Variants in TESK2 observed in about 807,000 individuals in gnomAD.
The protein encoded by TESK2 is dual specificity testis-specific protein kinase 2.
TESK2 carries 39 observed loss-of-function variants against 57.1 expected under a neutral mutation model. That is an observed-to-expected ratio of 0.68 (90% CI 0.53 to 0.89). TESK2 has a LOEUF of 0.89. Among genes scored for constraint, TESK2 ranks in the 40% least tolerant of loss-of-function variants. The probability of loss-of-function intolerance (pLI) is 0.00; values close to 1 mark genes in which losing one functional copy is unlikely to be tolerated. For missense variants in TESK2, 646 were observed against 732.1 expected (o/e 0.88, Z 1.36); for synonymous variants, 249 against 267.9 (o/e 0.93, Z 0.69).
At chr1:45,422,618 A>G (rs568242576) in intron 2 of TESK2, among the ~76,000 whole-genome samples, 4 of 151,838 alleles carry the variant, frequency 2.6e-5, no homozygotes, top group African/African-American at 9.7e-5. Context: ...TAATTTTTGT[A>G]TTTTTAGTAG....
chr1:45,375,423 C>CTTTT (rs34730448), intron 4 of TESK2, among the ~76,000 whole-genome samples: 17 of 135,546 alleles, frequency 1.3e-4, no homozygotes, highest in African/African-American at 2.8e-4. Flanking sequence ...TTCCTTCACC[C>CTTTT]TTTTTTTTTT....
chr1:45,444,315 A>G (rs1330769885), intron 2 of TESK2, among the ~76,000 whole-genome samples: 1 of 152,210 alleles, frequency 6.6e-6, no homozygotes, highest in Non-Finnish European at 1.5e-5. Flanking sequence ...GTATCAGACT[A>G]TATTATATGC....
chr1:45,375,186 C>T (rs1399094745), intron 4 of TESK2, among the ~76,000 whole-genome samples: 1 of 152,178 alleles, frequency 6.6e-6, no homozygotes, highest in African/African-American at 2.4e-5. Context: ...AAAGACTTCA[C>T]AATTTATCCT....
intron 1 of TESK2, among the ~76,000 whole-genome samples, chr1:45,483,529 C>T (rs554465508): frequency 1.6e-3 from 235 of 150,756 alleles, no homozygotes; most frequent in African/African-American, 5.6e-3. Context: ...ACCCGGCAGG[C>T]AGAGGTTGCA....
chr1:45,435,879 C>T (rs1651182503), intron 2 of TESK2, among the ~76,000 whole-genome samples: 2 of 151,852 alleles, frequency 1.3e-5, no homozygotes, highest in Non-Finnish European at 2.9e-5. Context: ...ATGTTCTCAG[C>T]ACCATTTATT....
intron 4 of TESK2, among the ~76,000 whole-genome samples, chr1:45,380,152 G>A (rs771482206): frequency 7.2e-5 from 11 of 152,028 alleles, no homozygotes; most frequent in Non-Finnish European, 1.5e-4. Flanking sequence ...CACCCGCCTC[G>A]GCCTCCCAAA....
intron 4 of TESK2, among the ~76,000 whole-genome samples, chr1:45,361,605 G>A (rs1647689351): frequency 6.6e-6 from 1 of 152,082 alleles, no homozygotes; most frequent in Admixed American, 6.6e-5. Context: ...AATATATACA[G>A]CCTTTTCCTA....
intron 4 of TESK2, among the ~76,000 whole-genome samples, chr1:45,366,172 C>T (rs568404224): frequency 6.6e-6 from 1 of 151,908 alleles, no homozygotes; most frequent in Admixed American, 6.6e-5. Flanking sequence ...CTGCAACCTC[C>T]ACCTCCAGGG....
chr1:45,355,545 G>A, intron 4 of TESK2, 96 bp from the exon 5 acceptor site: 3 of 1,422,594 alleles, frequency 2.1e-6, no homozygotes, highest in African/African-American at 1.4e-5. Context: ...GAGAGAGACT[G>A]TATTTTTTTT....
At chr1:45,445,656 ATGGCAGCATGCACC>A (rs1651616762) in intron 2 of TESK2, among the ~76,000 whole-genome samples, 1 of 149,408 alleles carries the variant, frequency 6.7e-6, no homozygotes, top group Non-Finnish European at 1.5e-5. Context: ...ATCAGTGGGC[ATGGCAGCATGCACC>A]TGTGATCCCA....
rs551842517 is a variant in TESK2, at chr1:45,476,651, T to C, written c.-87+14201A>G. Reference sequence around the variant, plus strand: ...TCACAAGGTCAGGAGATCAAGGCCATCCTGGCTAACACGGTGAAACCCCAT... The same window carrying C: ...TCACAAGGTCAGGAGATCAAGGCCACCCTGGCTAACACGGTGAAACCCCAT... On this transcript the variant is annotated intron_variant, in intron 1 of 10. Transcript: ENST00000372086. Among the ~76,000 whole-genome samples the C allele has an allele frequency of 1.0e-4, 15 of 150,268 alleles. No homozygotes were observed. The East Asian group carries it at 3.0e-3, about 30-fold the overall frequency.
intron 1 of TESK2, among the ~76,000 whole-genome samples, chr1:45,459,264 G>T (rs1188575888): frequency 6.6e-6 from 1 of 152,196 alleles, no homozygotes; most frequent in African/African-American, 2.4e-5. Context: ...TGCCTGGAAG[G>T]CAGAAGAAGT....
At chr1:45,457,309 T>C (rs1260852636) in intron 2 of TESK2, among the ~76,000 whole-genome samples, 1 of 152,180 alleles carries the variant, frequency 6.6e-6, no homozygotes, top group African/African-American at 2.4e-5. Flanking sequence ...TACACACATG[T>C]GTGGCTGGGG....
Position 45,421,768 on chromosome 1 carries a change from C to T in TESK2, c.301G>A (p.Glu101Lys). The T allele has an allele frequency of 6.2e-7, 1 of 1,614,102 alleles. No homozygotes were observed. The highest frequency in any genetic ancestry group is 8.5e-7 in the Non-Finnish European group (1 of 1,179,984). Residue 101 changes from glutamate (E) to lysine (K), a missense_variant, in exon 3 of 11, where the codon GAA (glutamate) becomes AAA (lysine). Physicochemically the swap from Glu to Lys is moderately conservative, Grantham distance 56 (BLOSUM62 1). Coordinates refer to ENST00000372086, the MANE Select transcript of TESK2 (RefSeq NM_007170.3). ...GAGAGTCTATTCATGAGCTGTACTT[C>T]TTTCAGCATGTTTGCCCGGTTACTG... ...LSSNRANMLKEVQLMNRLSHP... is the reference protein window; with the variant it reads ...LSSNRANMLKKVQLMNRLSHP...
intron 3 of TESK2, among the ~76,000 whole-genome samples, chr1:45,419,277 T>C (rs1433702775): frequency 6.6e-6 from 1 of 152,048 alleles, no homozygotes; most frequent in African/African-American, 2.4e-5. Flanking sequence ...CGCCCAGACT[T>C]CCCTGACTCT....
At chr1:45,426,836 T>G (rs182373340) in intron 2 of TESK2, among the ~76,000 whole-genome samples, 1 of 152,118 alleles carries the variant, frequency 6.6e-6, no homozygotes, top group Non-Finnish European at 1.5e-5. Flanking sequence ...AGCAAACAGG[T>G]ATATGTAAAG....
chr1:45,481,681 G>GA (rs1054736570), intron 1 of TESK2, among the ~76,000 whole-genome samples: 7 of 151,140 alleles, frequency 4.6e-5, no homozygotes, highest in Non-Finnish European at 1.0e-4. Flanking sequence ...ATAACATTTT[G>GA]AAAAAAACTC....
At chr1:45,381,899 T>C (rs1240674389) in intron 4 of TESK2, among the ~76,000 whole-genome samples, 1 of 148,932 alleles carries the variant, frequency 6.7e-6, no homozygotes, top group Non-Finnish European at 1.5e-5. Context: ...GGTCTCTCTC[T>C]GTTGCTCAGG....
intron 8 of TESK2, 33 bp from the exon 9 acceptor site, chr1:45,346,812 G>A: frequency 6.3e-7 from 1 of 1,597,264 alleles, no homozygotes; most frequent in South Asian, 1.1e-5. Flanking sequence ...TAGGTAGACA[G>A]TTCATTAATC....
Sources: allele counts gnomAD v4.1 joint callset (sites outside exome capture counted in the v4.1 genomes callset), GRCh38; gene constraint gnomAD v4.1.1; transcripts MANE v1.5; gene names NCBI Gene and HGNC (gene_info 2026-07-23, HGNC 2026-07-21).